Variants in SMYD3 observed in about 807,000 individuals in gnomAD.
SMYD3 encodes the protein SET and MYND domain containing 3.
A neutral mutation model predicts 57.7 loss-of-function variants in SMYD3; 36 were observed. The ratio of observed to expected loss-of-function variants is 0.62; its 90% CI spans 0.48 to 0.82. The LOEUF (loss-of-function observed/expected upper bound fraction) is 0.82. SMYD3 is among the 40% of genes least tolerant of loss of function. The pLI, the probability that SMYD3 is intolerant of heterozygous loss-of-function variation, is 0.00. For missense variants in SMYD3, 515 were observed against 538.8 expected, an observed-to-expected ratio of 0.96 and a Z score of 0.44; for synonymous variants, 211 against 195.0, an observed-to-expected ratio of 1.08 and a Z score of -0.68.
intron 5 of SMYD3, among the ~76,000 whole-genome samples, chr1:246,306,970 AGGATG>A (rs1268108309): frequency 4.0e-5 from 6 of 149,372 alleles, no homozygotes; most frequent in South Asian, 2.3e-4. Context: ...AACATAGGGG[AGGATG>A]GGTTTTTCTT....
At chr1:245,838,130 A>T (rs1337449938) in intron 10 of SMYD3, among the ~76,000 whole-genome samples, 2 of 152,268 alleles carry the variant, frequency 1.3e-5, no homozygotes, top group East Asian at 3.8e-4. Context: ...GAAAAGATGC[A>T]GTATTTCTTT....
intron 10 of SMYD3, among the ~76,000 whole-genome samples, chr1:245,810,648 T>A (rs560847302): frequency 6.6e-6 from 1 of 152,096 alleles, no homozygotes; most frequent in East Asian, 1.9e-4. Flanking sequence ...CAGTTTCAGG[T>A]GTGAGGAGCG....
At chr1:246,273,235 C>T (rs927888720) in intron 5 of SMYD3, among the ~76,000 whole-genome samples, 4 of 148,378 alleles carry the variant, frequency 2.7e-5, no homozygotes, top group African/African-American at 5.0e-5. Flanking sequence ...CTACAGCCTC[C>T]GCCTCCCGGG....
intron 1 of SMYD3, among the ~76,000 whole-genome samples, chr1:246,375,799 G>A (rs2066266460): frequency 1.3e-5 from 2 of 151,970 alleles, no homozygotes; most frequent in Middle Eastern, 3.4e-3. Context: ...GCATGATCTC[G>A]GCTCACTGCA....
intron 5 of SMYD3, among the ~76,000 whole-genome samples, chr1:246,106,151 C>T (rs6681797): frequency 6.6e-6 from 1 of 151,998 alleles, no homozygotes; most frequent in Admixed American, 6.5e-5. Context: ...AACCCATATC[C>T]GGAAAATTAA....
At chr1:246,270,391 G>A (rs1399794520) in intron 5 of SMYD3, among the ~76,000 whole-genome samples, 1 of 152,050 alleles carries the variant, frequency 6.6e-6, no homozygotes, top group East Asian at 1.9e-4. Context: ...TCATAATGTT[G>A]TGCACCATCA....
chr1:246,277,608 T>C (rs565634456), intron 5 of SMYD3, among the ~76,000 whole-genome samples: 10 of 152,272 alleles, frequency 6.6e-5, no homozygotes, highest in Admixed American at 2.0e-4. Flanking sequence ...TCACAATACC[T>C]AATCAGGGGA....
At chr1:246,415,837 C>T (rs2067053162) in intron 1 of SMYD3, among the ~76,000 whole-genome samples, 1 of 152,158 alleles carries the variant, frequency 6.6e-6, no homozygotes, top group African/African-American at 2.4e-5. Flanking sequence ...GTTTATTTAT[C>T]TATTGCCACT....
intron 5 of SMYD3, among the ~76,000 whole-genome samples, chr1:246,155,267 G>A (rs1042058308): frequency 6.6e-6 from 1 of 151,890 alleles, no homozygotes; most frequent in Non-Finnish European, 1.5e-5. Flanking sequence ...ACTTTAAAAA[G>A]AAAAAAATAT....
At chr1:246,186,547 G>T (rs1196477954) in intron 5 of SMYD3, among the ~76,000 whole-genome samples, 1 of 152,074 alleles carries the variant, frequency 6.6e-6, no homozygotes, top group Non-Finnish European at 1.5e-5. Context: ...CCAGAGAACA[G>T]CACGGTGGGT....
intron 5 of SMYD3, among the ~76,000 whole-genome samples, chr1:246,069,919 C>T (rs1003601556): frequency 3.9e-5 from 6 of 152,306 alleles, no homozygotes; most frequent in South Asian, 2.1e-4. Context: ...ATCCCTCCTA[C>T]GTGGAGCCTT....
chr1:246,104,276 G>A (rs1421135978), intron 5 of SMYD3, among the ~76,000 whole-genome samples: 1 of 152,180 alleles, frequency 6.6e-6, no homozygotes. Flanking sequence ...GGGTAAATGA[G>A]TTAACATAAA....
At chr1:245,778,403 TAAG>T (rs1310326255) in intron 10 of SMYD3, among the ~76,000 whole-genome samples, 1 of 152,054 alleles carries the variant, frequency 6.6e-6, no homozygotes, top group Non-Finnish European at 1.5e-5. Flanking sequence ...CCCAAAGGCA[TAAG>T]AACAATTCAA....
At chr1:245,826,426 G>C (rs376249312) in intron 10 of SMYD3, among the ~76,000 whole-genome samples, 2 of 152,034 alleles carry the variant, frequency 1.3e-5, no homozygotes, top group African/African-American at 4.8e-5. Flanking sequence ...TGTTGCCCAG[G>C]CTGGTCTCAA....
chr1:245,846,237 C>A (rs775432577), intron 10 of SMYD3, among the ~76,000 whole-genome samples: 45 of 152,178 alleles, frequency 3.0e-4, no homozygotes, highest in African/African-American at 1.1e-3. Flanking sequence ...AGGAGCCAGA[C>A]GTCAGTCCGA....
chr1:246,173,234 T>C (rs2062373762), intron 5 of SMYD3, among the ~76,000 whole-genome samples: 1 of 150,168 alleles, frequency 6.7e-6, no homozygotes, highest in South Asian at 2.1e-4. Context: ...TCATCAACAC[T>C]ACACACTTAG....
At chr1:246,107,252 A>G (rs369007149) in intron 5 of SMYD3, among the ~76,000 whole-genome samples, 1 of 151,806 alleles carries the variant, frequency 6.6e-6, no homozygotes, top group Non-Finnish European at 1.5e-5. Context: ...GCGCCACTGC[A>G]CTCCAGCCTG....
chr1:246,493,608 A>T (rs1225577199), intron 1 of SMYD3, among the ~76,000 whole-genome samples: 1 of 152,146 alleles, frequency 6.6e-6, no homozygotes, highest in Admixed American at 6.6e-5. Flanking sequence ...CTAACTTACT[A>T]CTGGGAGATC....
At chr1:246,173,175 C>T (rs200520826) in intron 5 of SMYD3, among the ~76,000 whole-genome samples, 2 of 150,912 alleles carry the variant, frequency 1.3e-5, no homozygotes. Flanking sequence ...CCACACTGTA[C>T]GCTTAGGCTA....
Sources: gnomAD v4.1 joint callset for allele counts (sites outside exome capture counted in the v4.1 genomes callset) on GRCh38, gnomAD v4.1.1 for gene constraint, MANE v1.5 for transcripts, NCBI Gene and HGNC (gene_info 2026-07-23, HGNC 2026-07-21) for gene names.